PDLIM5: variants seen among roughly 807,000 people sequenced by gnomAD.
PDLIM5 encodes the protein PDZ and LIM domain 5, also known as PDZ and LIM domain protein 5.
In PDLIM5, 34 loss-of-function variants were observed where a neutral mutation model predicts 64.2. The ratio of observed to expected loss-of-function variants is 0.53; its 90% CI spans 0.40 to 0.71. The LOEUF is 0.71. PDLIM5 is among the 30% of genes least tolerant of loss of function. The probability of loss-of-function intolerance (pLI) is 0.00; values close to 1 mark genes in which losing one functional copy is unlikely to be tolerated. For missense variants in PDLIM5, 683 were observed against 733.6 expected, an observed-to-expected ratio of 0.93 and a Z score of 0.80; for synonymous variants, 253 against 269.1, an observed-to-expected ratio of 0.94 and a Z score of 0.59.
intron 5 of PDLIM5, chr4:94,579,555 T>C (rs1460596631): frequency 7.4e-7 from 1 of 1,357,004 alleles, no homozygotes; most frequent in Non-Finnish European, 1.0e-6. Flanking sequence ...TCCACATTAC[T>C]GGAGAGGAAA....
chr4:94,664,033 T>C lies in PDLIM5; in HGVS notation c.1757T>C (p.Leu586Pro). The C allele has an allele frequency of 6.2e-7, 1 of 1,607,794 alleles. No individual in the cohort carries two copies. The highest frequency in any genetic ancestry group is 8.5e-7 in the Non-Finnish European group (1 of 1,175,950). ...QTFFSKKDKP[L>P]CKKHAHSVNF ...TTTTTCTCCAAGAAGGACAAGCCCC[T>C]GTGTAAGAAACATGCTCATTCTGTG... is the stretch of plus-strand genomic sequence containing the variant. Residue 586 changes from leucine to proline, a missense_variant, in exon 13 of 13, where the codon CTG becomes CCG. Coordinates refer to ENST00000317968, the MANE Select transcript of PDLIM5 (RefSeq NM_006457.5).
chr4:94,506,840 A>G (rs893433076), intron 2 of PDLIM5, among the ~76,000 whole-genome samples: 13 of 152,166 alleles, frequency 8.5e-5, no homozygotes, highest in African/African-American at 1.4e-4. Flanking sequence ...CCCACCCTCA[A>G]TGTAGGTGGG....
At chr4:94,499,842 C>T (rs1727750577) in intron 2 of PDLIM5, among the ~76,000 whole-genome samples, 2 of 152,176 alleles carry the variant, frequency 1.3e-5, no homozygotes, top group Non-Finnish European at 2.9e-5. Context: ...CTATTGTGAA[C>T]TGCACGTGCA....
At chr4:94,502,947 C>G (rs1027253679) in intron 2 of PDLIM5, among the ~76,000 whole-genome samples, 8 of 151,994 alleles carry the variant, frequency 5.3e-5, no homozygotes, top group Non-Finnish European at 7.4e-5. Context: ...AAATAGATAT[C>G]TTTGTGATTG....
intron 3 of PDLIM5, among the ~76,000 whole-genome samples, chr4:94,524,394 A>T (rs1171042112): frequency 1.4e-5 from 2 of 144,640 alleles, no homozygotes; most frequent in African/African-American, 5.3e-5. Context: ...AAAAAAAAAA[A>T]TTGTGTATAC....
At position 94,588,144 on chromosome 4, in the gene PDLIM5, G is replaced by C. The variant is rs577909700; in HGVS notation, c.920+1700G>C. On this transcript the variant is annotated intron_variant, in intron 7 of 12. Transcript: ENST00000317968. ...TTTAACTTAGCTTTGTACTTGTTCT[G>C]TTTCCTTGAGGCTAGACACAGTGCC... 24 of 957,582 alleles carry C rather than the reference G, an allele frequency of 2.5e-5. No homozygotes were observed. In the South Asian group the frequency reaches 6.3e-4, roughly 25 times the overall value. 59.3% of individuals were successfully genotyped at this position (957,582 alleles called of 1,614,324 possible).
Position 94,665,475 on chromosome 4 carries a change from G to A in PDLIM5, c.*1408G>A, listed in dbSNP as rs540840483. 6 of 799,904 alleles carry A rather than the reference G, an allele frequency of 7.5e-6. No individual in the cohort carries two copies. In the East Asian group the frequency reaches 4.5e-4, roughly 60 times the overall value. 49.6% of individuals were successfully genotyped at this position (799,904 alleles called of 1,614,324 possible). On this transcript the variant is annotated 3_prime_UTR_variant, in exon 13 of 13. Transcript: ENST00000317968. ...CAGCCTGGTGACAGAGCAAGACTCC[G>A]GCTCTTAAAAAAAAAAAAAAAAAAA...
intron 2 of PDLIM5, chr4:94,455,860 A>AAAAG: frequency 7.2e-7 from 1 of 1,381,502 alleles, no homozygotes; most frequent in South Asian, 1.2e-5. Flanking sequence ...TAAGATGGCC[A>AAAAG]AAAGCTACTT....
At chr4:94,510,327 T>C (rs1728758107) in intron 2 of PDLIM5, among the ~76,000 whole-genome samples, 1 of 152,188 alleles carries the variant, frequency 6.6e-6, no homozygotes, top group African/African-American at 2.4e-5. Flanking sequence ...GAGGAAATTA[T>C]TTGGAAGATC....
At chr4:94,474,893 TCTC>T (rs898374293) in intron 2 of PDLIM5, among the ~76,000 whole-genome samples, 51 of 152,244 alleles carry the variant, frequency 3.3e-4, no homozygotes, top group African/African-American at 1.2e-3. Flanking sequence ...CTCAGGCTGT[TCTC>T]CTGCCTTGGC....
At chr4:94,499,594 A>T (rs1727723994) in intron 2 of PDLIM5, among the ~76,000 whole-genome samples, 1 of 152,228 alleles carries the variant, frequency 6.6e-6, no homozygotes, top group African/African-American at 2.4e-5. Flanking sequence ...TAAAGTATAT[A>T]GGCAGATGCG....
At chr4:94,622,158 A>G (rs546277700) in intron 8 of PDLIM5, among the ~76,000 whole-genome samples, 1 of 152,234 alleles carries the variant, frequency 6.6e-6, no homozygotes, top group Non-Finnish European at 1.5e-5. Flanking sequence ...TAACAACAAC[A>G]AAATCATCTC....
At chr4:94,508,265 C>T (rs1728566923) in intron 2 of PDLIM5, among the ~76,000 whole-genome samples, 1 of 152,138 alleles carries the variant, frequency 6.6e-6, no homozygotes, top group African/African-American at 2.4e-5. Context: ...GATCTACTAA[C>T]ATTTGGTGCT....
chr4:94,529,034 T>A (rs1730622474), intron 3 of PDLIM5, among the ~76,000 whole-genome samples: 1 of 152,112 alleles, frequency 6.6e-6, no homozygotes, highest in East Asian at 1.9e-4. Flanking sequence ...GTCAGAGAGG[T>A]AGCAGGAAGG....
In PDLIM5 at chr4:94,640,294, T is replaced by TCTCAAACAG; in HGVS notation, c.1129_1137dup (p.Ser377_Ser379dup). The TCTCAAACAG allele has an allele frequency of 6.2e-7, 1 of 1,607,280 alleles. No homozygotes were observed. The highest frequency in any genetic ancestry group is 8.5e-7 in the Non-Finnish European group (1 of 1,175,240). On this transcript the variant is annotated inframe_insertion, in exon 9 of 13. Coordinates refer to ENST00000317968, the MANE Select transcript of PDLIM5 (RefSeq NM_006457.5). ...CTCCTAGTACCTTCCACTGGAAGAA[T>TCTCAAACAG]CTCAAACAGCGCTACTTACTCAGGA...
chr4:94,584,976 C>A, intron 5 of PDLIM5: 2 of 1,524,728 alleles, frequency 1.3e-6, no homozygotes, highest in Non-Finnish European at 1.8e-6. Flanking sequence ...CTTCCTCTGT[C>A]AATTAAAAGG....
rs185796778 is a variant in PDLIM5, at chr4:94,662,206, G to T, written c.1586-216G>T. On this transcript the variant is annotated intron_variant, in intron 11 of 12. Transcript: ENST00000317968. ...TGGAAAATTATAATCAAGAATGTTA[G>T]GTTGTATAAATAATATTTATACCAA... Among the ~76,000 whole-genome samples the T allele has an allele frequency of 2.7e-5, 4 of 149,594 alleles. No homozygotes were observed. In the East Asian group the frequency reaches 7.9e-4, roughly 30 times the overall value.
chr4:94,467,831 A>G (rs1161189389), intron 2 of PDLIM5, among the ~76,000 whole-genome samples: 1 of 152,184 alleles, frequency 6.6e-6, no homozygotes, highest in African/African-American at 2.4e-5. Context: ...GCATGTTTGC[A>G]CATTACAGCC....
At chr4:94,629,594 A>C (rs1291716005) in intron 8 of PDLIM5, among the ~76,000 whole-genome samples, 1 of 152,184 alleles carries the variant, frequency 6.6e-6, no homozygotes, top group East Asian at 1.9e-4. Flanking sequence ...CCAAGTCCCC[A>C]CACTCACTTT....
Sources: allele counts gnomAD v4.1 joint callset (sites outside exome capture counted in the v4.1 genomes callset), GRCh38; gene constraint gnomAD v4.1.1; transcripts MANE v1.5; gene names NCBI Gene and HGNC (gene_info 2026-07-23, HGNC 2026-07-21).